The following MMP26 variants were observed in gnomAD, a reference collection of about 807,000 sequenced individuals.
MMP26 encodes matrix metallopeptidase 26.
Under a neutral mutation model 31.0 loss-of-function variants are expected in MMP26, and 33 were observed. The observed-to-expected ratio is 1.06, with a 90% CI of 0.81 to 1.42. The LOEUF (loss-of-function observed/expected upper bound fraction) is 1.42, where lower values mean the gene tolerates loss of function less well. Among genes scored for constraint, MMP26 ranks in the 40% most tolerant of loss-of-function variants. The pLI is 0.00. For missense variants in MMP26, 347 were observed against 316.1 expected, an observed-to-expected ratio of 1.10 and a Z score of -0.74; for synonymous variants, 122 against 114.9, an observed-to-expected ratio of 1.06 and a Z score of -0.40.
intron 1 of MMP26, among the ~76,000 whole-genome samples, chr11:4,750,025 T>C (rs375659903): frequency 6.6e-6 from 1 of 152,052 alleles, no homozygotes; most frequent in African/African-American, 2.4e-5. Context: ...TATTTACCAA[T>C]TGTGCATCTA....
chr11:4,726,036 CATTCACCAG>C (rs1848094107), intron 1 of MMP26, among the ~76,000 whole-genome samples: 1 of 152,182 alleles, frequency 6.6e-6, no homozygotes, highest in African/African-American at 2.4e-5. Flanking sequence ...AAATAGAGCA[CATTCACCAG>C]ACCAAAAGAA....
At chr11:4,914,902 C>T (rs746746384) in intron 2 of MMP26, 2 of 1,613,918 alleles carry the variant, frequency 1.2e-6, no homozygotes, top group Non-Finnish European at 1.7e-6. Context: ...TGTAGAAGAG[C>T]AGCACAGCAC....
intron 2 of MMP26, chr11:4,915,657 G>T: frequency 6.2e-7 from 1 of 1,610,066 alleles, no homozygotes; most frequent in South Asian, 1.1e-5. Context: ...AGGGATCCCA[G>T]GGTCATTGTG....
chr11:4,799,301 G>T (rs759076057), intron 2 of MMP26, among the ~76,000 whole-genome samples: 19 of 152,254 alleles, frequency 1.2e-4, no homozygotes, highest in Middle Eastern at 3.4e-3. Flanking sequence ...CAGGATGCTT[G>T]CAATCATGGT....
chr11:4,786,465 C>T (rs1848945696), intron 2 of MMP26, among the ~76,000 whole-genome samples: 1 of 131,116 alleles, frequency 7.6e-6, no homozygotes, highest in East Asian at 2.8e-4. Flanking sequence ...TTTCAGTTTA[C>T]AGTGCAAGGT....
At chr11:4,803,162 T>A (rs1849206477) in intron 2 of MMP26, among the ~76,000 whole-genome samples, 2 of 152,320 alleles carry the variant, frequency 1.3e-5, no homozygotes, top group East Asian at 3.9e-4. Flanking sequence ...TTTAAAATAT[T>A]CACTGATTTA....
At chr11:4,841,400 A>G (rs1849794143) in intron 2 of MMP26, among the ~76,000 whole-genome samples, 1 of 152,172 alleles carries the variant, frequency 6.6e-6, no homozygotes. Flanking sequence ...ATCAAATATA[A>G]TGAAAGGATC....
intron 2 of MMP26, chr11:4,945,286 C>T (rs1846277693): frequency 6.6e-6 from 1 of 152,012 alleles, no homozygotes; most frequent in South Asian, 2.1e-4. Context: ...GAGTCAAGAG[C>T]ATTTTAACAA....
At chr11:4,931,315 A>G (rs1851343972) in intron 2 of MMP26, among the ~76,000 whole-genome samples, 1 of 152,058 alleles carries the variant, frequency 6.6e-6, no homozygotes, top group Non-Finnish European at 1.5e-5. Flanking sequence ...CCCACTTAGT[A>G]TTGTCCTGCC....
At chr11:4,894,083 T>A (rs1850667706) in intron 2 of MMP26, among the ~76,000 whole-genome samples, 1 of 152,164 alleles carries the variant, frequency 6.6e-6, no homozygotes, top group South Asian at 2.1e-4. Flanking sequence ...CAAAATTAAT[T>A]AAGTGCTTTA....
At chr11:4,784,225 C>A (rs1848904484) in intron 2 of MMP26, among the ~76,000 whole-genome samples, 1 of 152,182 alleles carries the variant, frequency 6.6e-6, no homozygotes, top group Non-Finnish European at 1.5e-5. Flanking sequence ...GATCAGAACA[C>A]ATACATGTGG....
chr11:4,923,815 C>T, intron 2 of MMP26: 1 of 1,613,986 alleles, frequency 6.2e-7, no homozygotes. Context: ...CATGAGCCAG[C>T]ACATGGGAGT....
At chr11:4,748,527 A>G (rs186571710) in intron 1 of MMP26, among the ~76,000 whole-genome samples, 38 of 151,844 alleles carry the variant, frequency 2.5e-4, no homozygotes, top group Non-Finnish European at 3.4e-4. Flanking sequence ...ATGAATATAG[A>G]TGCAAAAATT....
chr11:4,795,476 G>T (rs1433919), intron 2 of MMP26, among the ~76,000 whole-genome samples: 56,174 of 152,004 alleles, frequency 0.37, 11,471 homozygotes, highest in African/African-American at 0.52. Flanking sequence ...AGGAAACTAC[G>T]TATCATATGT....
chr11:4,779,092 G>T (rs997446779), intron 2 of MMP26, among the ~76,000 whole-genome samples: 5 of 151,868 alleles, frequency 3.3e-5, no homozygotes, highest in African/African-American at 9.7e-5. Flanking sequence ...CTCTGCTGAG[G>T]TATTTTACTT....
intron 2 of MMP26, among the ~76,000 whole-genome samples, chr11:4,925,391 A>T (rs956488113): frequency 1.3e-5 from 2 of 152,232 alleles, no homozygotes; most frequent in South Asian, 4.1e-4. Flanking sequence ...ATGAATAGAC[A>T]TTTCCATTAT....
chr11:4,943,513 AT>A (rs1589946538), intron 2 of MMP26: 1 of 456,008 alleles, frequency 2.2e-6, no homozygotes, highest in African/African-American at 2.0e-5. Context: ...CACCACTGAC[AT>A]TTTGTGCTAG....
At chr11:4,967,700 G>A (rs1423283665) in intron 2 of MMP26, among the ~76,000 whole-genome samples, 1 of 152,014 alleles carries the variant, frequency 6.6e-6, no homozygotes, top group Non-Finnish European at 1.5e-5. Context: ...ACATAATATT[G>A]TAACCAAAAC....
At chr11:4,975,631 G>A (rs939322760) in intron 2 of MMP26, among the ~76,000 whole-genome samples, 4 of 151,978 alleles carry the variant, frequency 2.6e-5, no homozygotes, top group Non-Finnish European at 5.9e-5. Context: ...TGCACCTTTC[G>A]CTGCTTGAGA....
Sources: gnomAD v4.1 joint callset for allele counts (sites outside exome capture counted in the v4.1 genomes callset) on GRCh38, gnomAD v4.1.1 for gene constraint, MANE v1.5 for transcripts, NCBI Gene and HGNC (gene_info 2026-07-23, HGNC 2026-07-21) for gene names.